The following SPON1 variants were observed in gnomAD, a reference collection of about 807,000 sequenced individuals.
The protein encoded by SPON1 is spondin 1.
In SPON1, 52 loss-of-function variants were observed where a neutral mutation model predicts 111.7. That is an observed-to-expected ratio of 0.47 (90% CI 0.37 to 0.59). The LOEUF (loss-of-function observed/expected upper bound fraction) is 0.59. Ranked by LOEUF, SPON1 falls within the 20% of genes least tolerant of loss-of-function variation. SPON1 has a pLI of 0.00. For synonymous variants in SPON1, 410 were observed against 395.8 expected, an observed-to-expected ratio of 1.04 and a Z score of -0.43; for missense variants, 957 against 1,068.5, an observed-to-expected ratio of 0.90 and a Z score of 1.46.
intron 6 of SPON1, among the ~76,000 whole-genome samples, chr11:14,196,939 A>G (rs781818340): frequency 6.6e-6 from 1 of 152,186 alleles, no homozygotes; most frequent in East Asian, 1.9e-4. Flanking sequence ...AGTCCCAGCT[A>G]CTTGGGAGGC....
At chr11:14,030,752 A>T (rs2618522) in intron 2 of SPON1, among the ~76,000 whole-genome samples, 152,128 of 152,360 alleles carry the variant, frequency 1, 75,949 homozygotes, top group Non-Finnish European at 1. Context: ...TGTACACTGT[A>T]GGTGGGAATG....
At chr11:14,108,285 G>A (rs563039749) in intron 5 of SPON1, among the ~76,000 whole-genome samples, 5 of 152,192 alleles carry the variant, frequency 3.3e-5, no homozygotes, top group Non-Finnish European at 7.3e-5. Flanking sequence ...AGCAAGGACT[G>A]TGTTAGCTAT....
At chr11:14,113,817 G>T (rs1480385305) in intron 5 of SPON1, among the ~76,000 whole-genome samples, 1 of 151,392 alleles carries the variant, frequency 6.6e-6, no homozygotes, top group Non-Finnish European at 1.5e-5. Context: ...TGTTAGCCAG[G>T]ATGGTCTCGA....
rs186093622 is a variant in SPON1 at position 14,000,722 on chromosome 11, C to T, written c.345+17769C>T. Among the ~76,000 whole-genome samples the T allele has an allele frequency of 8.5e-5, 13 of 152,152 alleles. No individual in the cohort carries two copies. In the East Asian group the frequency reaches 2.5e-3, roughly 29 times the overall value. On this transcript the variant is annotated intron_variant, in intron 2 of 15. Coordinates refer to ENST00000576479, the MANE Select transcript of SPON1 (RefSeq NM_006108.4). ...ATGGACCAATATGAAGATACATGTGCATCACATGCACAGCCACACACCCCC... is the reference window on the plus strand; with the variant it reads ...ATGGACCAATATGAAGATACATGTGTATCACATGCACAGCCACACACCCCC...
At position 14,235,781 on chromosome 11, in the gene SPON1, A is replaced by T. The variant is rs1554939164; in HGVS notation, c.826-7551A>T. 4.6e-5 allele frequency among the ~76,000 whole-genome samples: 7 copies of T among 151,524 alleles called. No individual in the cohort carries two copies. In the South Asian group the frequency reaches 1.0e-3, roughly 23 times the overall value. Reference sequence around the variant, plus strand: ...AAGATAGTGGGATAAAGGAATAGGGATGCTGAGTCAAAAAGGGGGCAGGGA... The same window carrying T: ...AAGATAGTGGGATAAAGGAATAGGGTTGCTGAGTCAAAAAGGGGGCAGGGA... On this transcript the variant is annotated intron_variant, in intron 6 of 15. Transcript: ENST00000576479.
intron 5 of SPON1, among the ~76,000 whole-genome samples, chr11:14,106,515 G>A (rs1228509052): frequency 6.6e-6 from 1 of 152,168 alleles, no homozygotes. Context: ...TGGAGTTTCT[G>A]CAAAGGTCTC....
At chr11:14,109,706 A>T (rs1242859329) in intron 5 of SPON1, among the ~76,000 whole-genome samples, 1 of 152,220 alleles carries the variant, frequency 6.6e-6, no homozygotes, top group Non-Finnish European at 1.5e-5. Context: ...ATAAAGGATA[A>T]GTTCCAGGAA....
At chr11:14,078,147 T>A (rs1848933209) in intron 4 of SPON1, among the ~76,000 whole-genome samples, 1 of 152,216 alleles carries the variant, frequency 6.6e-6, no homozygotes, top group Non-Finnish European at 1.5e-5. Context: ...AGGAAAACAG[T>A]ATGTCTGTTT....
In SPON1 at chr11:14,151,175, G is replaced by T. The variant is rs150902144; in HGVS notation, c.825+15607G>T. On this transcript the variant is annotated intron_variant, in intron 6 of 15. Coordinates refer to ENST00000576479, the MANE Select transcript of SPON1 (RefSeq NM_006108.4). ...AGAACATCTGTGGAATGTCCCTCCT[G>T]CCCATGTAGTTTTTCAGCTCTGTTA... Among the ~76,000 whole-genome samples, 736 of 152,276 alleles carry T rather than the reference G, an allele frequency of 4.8e-3. 9 individuals are homozygous for T. The highest frequency in any genetic ancestry group is 0.016 in the African/African-American group (681 of 41,548).
chr11:14,245,337 C>T (rs1174780028), intron 7 of SPON1, among the ~76,000 whole-genome samples: 1 of 152,170 alleles, frequency 6.6e-6, no homozygotes, highest in African/African-American at 2.4e-5. Flanking sequence ...CACATGCAGT[C>T]CTAGCTCTCT....
At chr11:14,130,553 AG>A (rs1847516919) in intron 5 of SPON1, among the ~76,000 whole-genome samples, 1 of 151,880 alleles carries the variant, frequency 6.6e-6, no homozygotes, top group African/African-American at 2.4e-5. Context: ...GAGTGAGAAA[AG>A]GAAGGCATTT....
intron 2 of SPON1, among the ~76,000 whole-genome samples, chr11:13,990,031 G>A (rs532896088): frequency 7.6e-4 from 115 of 152,236 alleles, no homozygotes; most frequent in African/African-American, 2.7e-3. Context: ...TGTTGATTTG[G>A]GGTGGAGACT....
intron 6 of SPON1, among the ~76,000 whole-genome samples, chr11:14,213,450 C>T (rs187033553): frequency 4.0e-5 from 6 of 151,178 alleles, no homozygotes; most frequent in East Asian, 3.9e-4. Context: ...GGCTCCTTAG[C>T]GATGGATTTG....
At chr11:14,155,452 G>C (rs1847833869) in intron 6 of SPON1, among the ~76,000 whole-genome samples, 1 of 152,002 alleles carries the variant, frequency 6.6e-6, no homozygotes, top group Admixed American at 6.6e-5. Flanking sequence ...GGCTGGAGCA[G>C]GAGGAAGGCA....
intron 5 of SPON1, among the ~76,000 whole-genome samples, chr11:14,129,743 C>A (rs1554927363): frequency 6.6e-6 from 1 of 152,180 alleles, no homozygotes; most frequent in Non-Finnish European, 1.5e-5. Context: ...AAAGAACTAC[C>A]TGCGACTCGG....
intron 2 of SPON1, among the ~76,000 whole-genome samples, chr11:13,991,230 C>A (rs1848227640): frequency 6.6e-6 from 1 of 152,200 alleles, no homozygotes; most frequent in Non-Finnish European, 1.5e-5. Context: ...TAGATTTGGT[C>A]TTTTCACATA....
At chr11:14,195,975 T>C (rs1303708406) in intron 6 of SPON1, among the ~76,000 whole-genome samples, 4 of 152,236 alleles carry the variant, frequency 2.6e-5, no homozygotes, top group Non-Finnish European at 5.9e-5. Context: ...AGAAACATTT[T>C]CTGTTTCTAA....
intron 2 of SPON1, among the ~76,000 whole-genome samples, chr11:13,986,912 C>T (rs1294044617): frequency 6.6e-6 from 1 of 152,148 alleles, no homozygotes; most frequent in African/African-American, 2.4e-5. Flanking sequence ...TTTATGGCTG[C>T]ATAGTATTCC....
At chr11:14,188,817 A>T (rs188652059) in intron 6 of SPON1, among the ~76,000 whole-genome samples, 53 of 152,358 alleles carry the variant, frequency 3.5e-4, no homozygotes, top group Middle Eastern at 3.4e-3. Context: ...CACACAGGGT[A>T]GTTGTGAGGC....
Sources: allele counts gnomAD v4.1 joint callset (sites outside exome capture counted in the v4.1 genomes callset), GRCh38; gene constraint gnomAD v4.1.1; transcripts MANE v1.5; gene names NCBI Gene and HGNC (gene_info 2026-07-23, HGNC 2026-07-21).